ZNF679: variants seen among roughly 807,000 people sequenced by gnomAD.
The protein encoded by ZNF679 is hypothetical protein MGC42415.
ZNF679 carries 10 observed loss-of-function variants against 13.4 expected under a neutral mutation model. The observed-to-expected ratio is 0.75, with a 90% CI of 0.46 to 1.27. ZNF679 has a LOEUF of 1.27. Among genes scored for constraint, ZNF679 ranks in the 50% most tolerant of loss-of-function variants. ZNF679 has a pLI of 0.00. For synonymous variants in ZNF679, 179 were observed against 162.5 expected, an observed-to-expected ratio of 1.10 and a Z score of -0.77; for missense variants, 525 against 477.8, an observed-to-expected ratio of 1.10 and a Z score of -0.92.
chr7:64,251,037 T>G (rs1208190563), intron 2 of ZNF679, among the ~76,000 whole-genome samples: 3 of 152,236 alleles, frequency 2.0e-5, no homozygotes, highest in Non-Finnish European at 4.4e-5. Flanking sequence ...TTGTCCTTTC[T>G]TATATGTTTC....
chr7:64,235,541 C>T (rs2116509391), intron 1 of ZNF679, among the ~76,000 whole-genome samples: 1 of 152,230 alleles, frequency 6.6e-6, no homozygotes, highest in Non-Finnish European at 1.5e-5. Flanking sequence ...GTAATCCCAG[C>T]ACTTTGAAAG....
At chr7:64,250,360 C>G (rs1261901538) in intron 2 of ZNF679, among the ~76,000 whole-genome samples, 1 of 146,410 alleles carries the variant, frequency 6.8e-6, no homozygotes, top group Non-Finnish European at 1.5e-5. Flanking sequence ...ACCTCCACCT[C>G]CTGGGTTGAA....
At chr7:64,238,811 C>A (rs1284684704) in intron 1 of ZNF679, among the ~76,000 whole-genome samples, 1 of 152,182 alleles carries the variant, frequency 6.6e-6, no homozygotes, top group Non-Finnish European at 1.5e-5. Context: ...AAACCCTCCT[C>A]CCATCTTGAC....
In ZNF679 at chr7:64,266,832, G is replaced by C; in HGVS notation, c.1199G>C (p.Ser400Thr). The change falls in exon 5 of 5, where the codon AGT becomes ACT. Residue 400 changes from serine to threonine, a missense_variant. By Grantham distance (58) the Ser-to-Thr change is moderately conservative (BLOSUM62 1). Transcript: ENST00000421025. ...TCCTCAAGTCTTGCTAATCATAAGAGTATGCATACTGGAGAGAAACCCTAC... is the reference window on the plus strand; with the variant it reads ...TCCTCAAGTCTTGCTAATCATAAGACTATGCATACTGGAGAGAAACCCTAC... ...KWSSSLANHK[S>T]MHTGEKPYKC... 1 of 1,594,162 alleles carries C rather than the reference G, an allele frequency of 6.3e-7. No homozygotes were observed. The highest frequency in any genetic ancestry group is 1.1e-5 in the South Asian group (1 of 89,050).
intron 2 of ZNF679, among the ~76,000 whole-genome samples, chr7:64,258,813 A>G (rs1788038356): frequency 6.6e-6 from 1 of 151,728 alleles, no homozygotes; most frequent in African/African-American, 2.4e-5. Flanking sequence ...GTTTGTTTCA[A>G]TTATTTTTTG....
rs1034182675 is a variant in ZNF679 at position 64,228,565 on chromosome 7, G to A, written c.-178G>A. The A allele has an allele frequency of 6.6e-6, 1 of 152,170 alleles. No homozygotes were observed. The highest frequency in any genetic ancestry group is 6.5e-5 in the Admixed American group (1 of 15,282). The allele number at this position is 152,170 out of a possible 1,614,324, so 9.4% of individuals were successfully genotyped here. On this transcript the variant is annotated 5_prime_UTR_variant, in exon 1 of 5. Transcript: ENST00000421025. ...AATTAGGTGCTGTGTGAAAGTATAC[G>A]CCACAATCACACCTGCGGGAAGGAC...
chr7:64,230,771 T>C (rs1000123796), intron 1 of ZNF679, among the ~76,000 whole-genome samples: 1 of 151,884 alleles, frequency 6.6e-6, no homozygotes, highest in Non-Finnish European at 1.5e-5. Context: ...CACTTGAGAG[T>C]TGGGTACAAG....
At chr7:64,251,071 T>C (rs2116531999) in intron 2 of ZNF679, among the ~76,000 whole-genome samples, 1 of 152,288 alleles carries the variant, frequency 6.6e-6, no homozygotes, top group East Asian at 1.9e-4. Context: ...ACACTAATTA[T>C]TTTTTTAAAA....
chr7:64,237,345 A>G (rs1040569030), intron 1 of ZNF679, among the ~76,000 whole-genome samples: 2 of 152,184 alleles, frequency 1.3e-5, no homozygotes, highest in Non-Finnish European at 2.9e-5. Context: ...CCCAGGGTGC[A>G]TGGGTGTGAG....
At chr7:64,255,769 C>T (rs1479842129) in intron 2 of ZNF679, among the ~76,000 whole-genome samples, 1 of 152,046 alleles carries the variant, frequency 6.6e-6, no homozygotes. Context: ...CCACCACACC[C>T]AGCTAAATTT....
chr7:64,232,139 G>A (rs2116505122), intron 1 of ZNF679, among the ~76,000 whole-genome samples: 1 of 152,340 alleles, frequency 6.6e-6, no homozygotes, highest in East Asian at 1.9e-4. Context: ...AGCAGAGATG[G>A]TGAGACTGCA....
At position 64,266,477 on chromosome 7, in the gene ZNF679, A is replaced by G. The variant is rs1249834272; in HGVS notation, c.844A>G (p.Thr282Ala). 5 of 1,613,590 alleles carry G rather than the reference A, an allele frequency of 3.1e-6. No homozygotes were observed. Among genetic ancestry groups the G allele is most frequent in the African/African-American group, 1.3e-5 (1 of 74,916 alleles). Residue 282 changes from threonine (T) to alanine (A), a missense_variant, in exon 5 of 5, where the codon ACA becomes GCA. Transcript: ENST00000421025. The stretch of plus-strand genomic sequence containing the variant: ...TGGCCAAGCCTTTAGCCGCTCCTCA[A>G]CACTTGCTAACCACAAGAGAATTCA... Reference protein sequence around the residue: ...ECGQAFSRSSTLANHKRIHTG... With the variant: ...ECGQAFSRSSALANHKRIHTG...
chr7:64,263,433 A>G (rs1788104058), intron 4 of ZNF679, among the ~76,000 whole-genome samples: 1 of 152,182 alleles, frequency 6.6e-6, no homozygotes, highest in African/African-American at 2.4e-5. Flanking sequence ...CTAACAGAAC[A>G]TACCAGGTGC....
At chr7:64,257,404 T>C (rs1788017743) in intron 2 of ZNF679, among the ~76,000 whole-genome samples, 2 of 152,236 alleles carry the variant, frequency 1.3e-5, no homozygotes, top group African/African-American at 4.8e-5. Flanking sequence ...AGATGTTTTT[T>C]GTATTGATTT....
chr7:64,265,879 AT>A lies in ZNF679; in HGVS notation c.263-12del. On this transcript the variant is annotated splice_polypyrimidine_tract_variant and intron_variant, in intron 4 of 4. Coordinates refer to ENST00000421025, the MANE Select transcript of ZNF679 (RefSeq NM_153363.3). ...GGTGTAGTAAGTGAAGTAACTTGTG[AT>A]TTTTATGTCTTTCAGTTATGTGTTC... is the stretch of plus-strand genomic sequence containing the variant. 6.2e-7 allele frequency: 1 copy of A among 1,606,354 alleles called. No homozygotes were observed.
chr7:64,251,702 GT>G (rs1437612249), intron 2 of ZNF679, among the ~76,000 whole-genome samples: 1 of 152,136 alleles, frequency 6.6e-6, no homozygotes, highest in African/African-American at 2.4e-5. Flanking sequence ...GTCTGCCACA[GT>G]GTCTAGTGAA....
chr7:64,234,499 C>T (rs1183762123), intron 1 of ZNF679, among the ~76,000 whole-genome samples: 4 of 152,040 alleles, frequency 2.6e-5, no homozygotes, highest in East Asian at 1.9e-4. Flanking sequence ...TAGCTAGCAG[C>T]GAGCAAGGGA....
chr7:64,262,374 A>G (rs1252701298), intron 4 of ZNF679, among the ~76,000 whole-genome samples: 1 of 152,208 alleles, frequency 6.6e-6, no homozygotes, highest in Non-Finnish European at 1.5e-5. Flanking sequence ...TTGCTCATGC[A>G]TTTGATGGCA....
chr7:64,263,046 TTTTA>T (rs1372714117), intron 4 of ZNF679, among the ~76,000 whole-genome samples: 1 of 130,196 alleles, frequency 7.7e-6, no homozygotes, highest in Non-Finnish European at 1.7e-5. Context: ...TTCTTTTTAG[TTTTA>T]TCAGTTTTGG....
Sources: allele counts gnomAD v4.1 joint callset (sites outside exome capture counted in the v4.1 genomes callset), GRCh38; gene constraint gnomAD v4.1.1; transcripts MANE v1.5; gene names NCBI Gene and HGNC (gene_info 2026-07-23, HGNC 2026-07-21).